Variants in CSPP1 observed in about 807,000 individuals in gnomAD.
CSPP1 encodes centrosome and spindle pole associated protein 1.
Under a neutral mutation model 164.4 loss-of-function variants are expected in CSPP1, and 126 were observed. The observed-to-expected ratio is 0.77, with a 90% CI of 0.66 to 0.89. The LOEUF is 0.89. Ranked by LOEUF, CSPP1 falls within the 40% of genes least tolerant of loss-of-function variation. The pLI is 0.00. For synonymous variants in CSPP1, 472 were observed against 476.7 expected (o/e 0.99, Z 0.13); for missense variants, 1,395 against 1,449.8 (o/e 0.96, Z 0.61).
intron 27 of CSPP1, 100 bp from the exon 28 acceptor site, chr8:67,179,763 A>G: frequency 1.1e-5 from 8 of 761,720 alleles, no homozygotes; most frequent in African/African-American, 3.5e-5. Flanking sequence ...CTCTGCTTTT[A>G]GGGAGAACAG....
chr8:67,070,724 T>TAC (rs1806581499), intron 1 of CSPP1, among the ~76,000 whole-genome samples: 1 of 117,768 alleles, frequency 8.5e-6, no homozygotes, highest in African/African-American at 4.6e-5. Flanking sequence ...TATATGTAAA[T>TAC]ATATATATAT....
At chr8:67,164,068 C>T (rs545673108) in intron 23 of CSPP1, among the ~76,000 whole-genome samples, 2 of 152,260 alleles carry the variant, frequency 1.3e-5, no homozygotes, top group African/African-American at 4.8e-5. Flanking sequence ...TTATCATGCA[C>T]AGTTTGTGCG....
Position 67,064,517 on chromosome 8 carries a change from G to C in CSPP1, c.-32G>C. 1 of 1,612,558 alleles carries C rather than the reference G, an allele frequency of 6.2e-7. No homozygotes were observed. Among genetic ancestry groups the C allele is most frequent in the African/African-American group, 1.3e-5 (1 of 75,048 alleles). On this transcript the variant is annotated 5_prime_UTR_variant, in exon 1 of 31. Coordinates refer to ENST00000678616, the MANE Select transcript of CSPP1 (RefSeq NM_001382391.1). ...CCTGAGTAAGAGTCAGCCAGCCGCG[G>C]ATGGGGAGCGTGAGTGGCGAGGTGT...
intron 4 of CSPP1, among the ~76,000 whole-genome samples, chr8:67,090,493 C>T (rs1259229967): frequency 2.0e-5 from 3 of 152,056 alleles, no homozygotes; most frequent in African/African-American, 7.2e-5. Context: ...CCTTGTTGCC[C>T]AGGCTGGTCC....
At chr8:67,186,970 CATCTATCT>C (rs59504632) in intron 28 of CSPP1, among the ~76,000 whole-genome samples, 6,424 of 149,822 alleles carry the variant, frequency 0.043, 185 homozygotes, top group South Asian at 0.066. Flanking sequence ...ATCTATCTAT[CATCTATCT>C]ATCTATCTAT....
At position 67,095,633 on chromosome 8, in the gene CSPP1, G is replaced by A. The variant is rs1381521788; in HGVS notation, c.824G>A (p.Arg275Lys). The part of the protein sequence containing the change: ...EDRVFDRRYH[R>K]PDQDPEVSEE... ...CGTGTTTTTGATAGACGGTATCATA[G>A]ACCAGACCAAGATCCTGAAGTAAGT... Residue 275 changes from arginine to lysine, a missense_variant, in exon 7 of 31, where the codon AGA becomes AAA. Physicochemically the swap from Arg to Lys is conservative, Grantham distance 26 (BLOSUM62 2). Transcript: ENST00000678616. The A allele has an allele frequency of 6.2e-7, 1 of 1,613,326 alleles. No individual in the cohort carries two copies. The highest frequency in any genetic ancestry group is 8.5e-7 in the Non-Finnish European group (1 of 1,179,522).
intron 26 of CSPP1, 56 bp from the exon 27 acceptor site, chr8:67,177,624 T>A: frequency 8.9e-7 from 1 of 1,123,662 alleles, no homozygotes; most frequent in African/African-American, 1.6e-5. Context: ...AAATTTAATT[T>A]ATATAGTAAG....
Position 67,190,651 on chromosome 8 carries a change from G to A in CSPP1, c.3222G>A (p.Gly1074=), listed in dbSNP as rs1017592918. 7 of 1,613,300 alleles carry A rather than the reference G, an allele frequency of 4.3e-6. No individual in the cohort carries two copies. The highest frequency in any genetic ancestry group is 5.9e-6 in the Non-Finnish European group (7 of 1,179,408). ...SLLESDSAFI[G]AYGETYPAIE... ...TTCTGCTTTTCGGGGTCCTCTTAGGGGCTTACGGTGAGACATATCCTGCCA... is the reference window on the plus strand; with the variant it reads ...TTCTGCTTTTCGGGGTCCTCTTAGGAGCTTACGGTGAGACATATCCTGCCA... The change falls in exon 29 of 31, where the codon GGG becomes GGA. Residue 1074 remains glycine (G), a splice_region_variant and synonymous_variant. Coordinates refer to ENST00000678616, the MANE Select transcript of CSPP1 (RefSeq NM_001382391.1).
rs755472926 is a variant in CSPP1 at position 67,179,872 on chromosome 8, G to A, written c.3166G>A (p.Asp1056Asn). ...KVREQRMPRD[D>N]TSDFLKNSLL... The stretch of plus-strand genomic sequence containing the variant: ...AACATGTTTCTTTTAGCCCAGAGAT[G>A]ACACTAGTGATTTCTTGAAAAACTC... The change falls in exon 28 of 31, where the codon GAC becomes AAC. Residue 1056 changes from aspartate to asparagine, a missense_variant. Coordinates refer to ENST00000678616, the MANE Select transcript of CSPP1 (RefSeq NM_001382391.1). 34 of 1,595,518 alleles carry A rather than the reference G, an allele frequency of 2.1e-5. No homozygotes were observed. In the South Asian group the frequency reaches 3.8e-4, roughly 18 times the overall value.
intron 13 of CSPP1, among the ~76,000 whole-genome samples, chr8:67,117,597 A>G (rs1478841269): frequency 6.6e-6 from 1 of 152,178 alleles, no homozygotes; most frequent in Non-Finnish European, 1.5e-5. Context: ...TACTGTTGGT[A>G]TTTAAGTTGC....
chr8:67,182,222 C>T (rs1200289001), intron 28 of CSPP1, among the ~76,000 whole-genome samples: 2 of 152,062 alleles, frequency 1.3e-5, no homozygotes, highest in Non-Finnish European at 1.5e-5. Flanking sequence ...AGGTTGGTCG[C>T]GAACTCTTGA....
At chr8:67,136,773 TC>T (rs1277811279) in intron 16 of CSPP1, among the ~76,000 whole-genome samples, 4 of 151,334 alleles carry the variant, frequency 2.6e-5, no homozygotes, top group Admixed American at 6.6e-5. Flanking sequence ...GGCTGGGCAT[TC>T]CCCTTGAAAG....
chr8:67,170,290 CA>C (rs113067786), intron 24 of CSPP1, among the ~76,000 whole-genome samples: 17,243 of 102,414 alleles, frequency 0.17, 1,964 homozygotes, highest in African/African-American at 0.37. Context: ...ACTAAAAATA[CA>C]AAAAAAAAAA....
chr8:67,085,374 TA>T (rs560133449), intron 3 of CSPP1, among the ~76,000 whole-genome samples: 5,578 of 140,852 alleles, frequency 0.04, 197 homozygotes, highest in African/African-American at 0.089. Context: ...AAAAGAAAAT[TA>T]AAAAAAAAAA....
chr8:67,171,110 C>T (rs1336771360), intron 24 of CSPP1, among the ~76,000 whole-genome samples: 1 of 129,814 alleles, frequency 7.7e-6, no homozygotes, highest in Non-Finnish European at 1.6e-5. Context: ...TTTTAAGAGA[C>T]GGGGGGCCGG....
Position 67,159,083 on chromosome 8 carries a change from C to A in CSPP1, c.2484C>A (p.Asn828Lys). ...RKKKEEEEKY[N>K]LQLQHYCERD... is the part of the protein sequence containing the mutation. The stretch of plus-strand genomic sequence containing the variant: ...AGAAAGAAGAAGAAGAAAAATATAA[C>A]CTGCAACTTCAGCACTACTGTGAAA... The change falls in exon 21 of 31, where the codon AAC becomes AAA. Residue 828 changes from asparagine to lysine, a missense_variant. Transcript: ENST00000678616. The A allele has an allele frequency of 6.2e-7, 1 of 1,612,532 alleles. No individual in the cohort carries two copies. Among genetic ancestry groups the A allele is most frequent in the Non-Finnish European group, 8.5e-7 (1 of 1,179,494 alleles).
At chr8:67,189,747 T>G (rs767789893) in intron 28 of CSPP1, among the ~76,000 whole-genome samples, 10 of 152,196 alleles carry the variant, frequency 6.6e-5, no homozygotes, top group Non-Finnish European at 1.0e-4. Context: ...CAAAGAGGCT[T>G]GGCAATAACA....
upstream of CSPP1, chr8:67,064,391 G>A (rs763764407): frequency 1.1e-5 from 18 of 1,612,844 alleles, no homozygotes; most frequent in South Asian, 1.9e-4. Context: ...CCGGCCCGGA[G>A]GTCTGTCATG....
intron 25 of CSPP1, chr8:67,173,971 T>G (rs1316219545): frequency 6.6e-6 from 1 of 152,252 alleles, no homozygotes; most frequent in African/African-American, 2.4e-5. Context: ...TGTGTCCTTG[T>G]GTATTCTTGT....
Sources: gnomAD v4.1 joint callset for allele counts (sites outside exome capture counted in the v4.1 genomes callset) on GRCh38, gnomAD v4.1.1 for gene constraint, MANE v1.5 for transcripts, NCBI Gene and HGNC (gene_info 2026-07-23, HGNC 2026-07-21) for gene names.